Variants in CCDC57 observed in about 807,000 individuals in gnomAD.
The protein encoded by CCDC57 is coiled-coil domain-containing protein 57.
Under a neutral mutation model 118.9 loss-of-function variants are expected in CCDC57, and 118 were observed. The ratio of observed to expected loss-of-function variants is 0.99; its 90% CI spans 0.86 to 1.16. The LOEUF (loss-of-function observed/expected upper bound fraction) is 1.16. CCDC57 is among the 50% of genes most tolerant of loss of function. The pLI, the probability that CCDC57 is intolerant of heterozygous loss-of-function variation, is 0.00. For synonymous variants in CCDC57, 527 were observed against 532.9 expected (o/e 0.99, Z 0.15); for missense variants, 1,300 against 1,320.7 (o/e 0.98, Z 0.24).
chr17:82,201,816 C>T (rs2049030895), exon 3 of CCDC57: 5 of 1,613,476 alleles, frequency 3.1e-6, no homozygotes, highest in African/African-American at 1.3e-5. Context: ...GCGCCTCCTC[C>T]AGCTGGCTCC....
chr17:82,196,821 G>T (rs1330818977), intron 4 of CCDC57, among the ~76,000 whole-genome samples: 1 of 144,500 alleles, frequency 6.9e-6, no homozygotes, highest in African/African-American at 2.6e-5. Context: ...AGCCCCTCAT[G>T]ACTCCTGCAC....
Position 82,192,096 on chromosome 17 carries a change from C to T in CCDC57, c.851+1660G>A, listed in dbSNP as rs889095716. Reference sequence around the variant, plus strand: ...CACCTCCCAAGTTCAAGTGATTCCCCTGCCTCAGCCTGCCAAGTAGCTGGG... The same window carrying T: ...CACCTCCCAAGTTCAAGTGATTCCCTTGCCTCAGCCTGCCAAGTAGCTGGG... On this transcript the variant is annotated intron_variant, in intron 7 of 19. Transcript: ENST00000665763. This position sits in a 1 kb window ranked among gnomAD's most constrained non-coding sequence, Gnocchi z 4.0. Among the ~76,000 whole-genome samples the T allele has an allele frequency of 2.0e-5, 3 of 151,894 alleles. No individual in the cohort carries two copies. The highest frequency in any genetic ancestry group is 2.9e-5 in the Non-Finnish European group (2 of 68,004).
At chr17:82,137,785 T>C (rs898386553) in intron 16 of CCDC57, among the ~76,000 whole-genome samples, 1 of 151,630 alleles carries the variant, frequency 6.6e-6, no homozygotes, top group African/African-American at 2.4e-5. Context: ...GCGGTTCTCC[T>C]TCCTCAGCCT....
In CCDC57 at chr17:82,151,790, A is replaced by G; in HGVS notation, c.2242-17T>C. 1 of 1,547,144 alleles carries G rather than the reference A, an allele frequency of 6.5e-7. No homozygotes were observed. The highest frequency in any genetic ancestry group is 8.7e-7 in the Non-Finnish European group (1 of 1,145,746). ...GGTGAGGCCCTGTAACAAAACTCAC[A>G]GGCAGACACCCCTGTGAGGCTGCCC... On this transcript the variant is annotated splice_polypyrimidine_tract_variant and intron_variant, in intron 15 of 19. Coordinates refer to ENST00000665763, the Ensembl canonical transcript of CCDC57.
intron 13 of CCDC57, among the ~76,000 whole-genome samples, chr17:82,165,712 A>C (rs188576647): frequency 1.3e-5 from 2 of 152,302 alleles, no homozygotes; most frequent in Admixed American, 1.3e-4. Flanking sequence ...GTGTAAAACC[A>C]GCCAGAATCC....
chr17:82,132,502 A>G (rs1420010861), intron 17 of CCDC57, among the ~76,000 whole-genome samples: 1 of 152,128 alleles, frequency 6.6e-6, no homozygotes, highest in Non-Finnish European at 1.5e-5. Context: ...AACACACATA[A>G]ATCACCCACA....
Position 82,157,747 on chromosome 17 carries a change from C to T in CCDC57, c.2241+1G>A, listed in dbSNP as rs1224448355. On this transcript the variant is annotated splice_donor_variant, in intron 15 of 19. Transcript: ENST00000665763. LOFTEE classifies it high-confidence loss of function. ...GGCAGGAGGAGCTAGCGGGCACCCA[C>T]CTCTCTCCCAAGGGCCACGGCGTCC... The T allele has an allele frequency of 1.3e-6, 2 of 1,589,012 alleles. No individual in the cohort carries two copies. The highest frequency in any genetic ancestry group is 1.1e-5 in the South Asian group (1 of 87,342).
At chr17:82,195,324 T>G (rs368005306) in exon 5 of CCDC57, 2 of 1,601,550 alleles carry the variant, frequency 1.2e-6, no homozygotes, top group Non-Finnish European at 1.7e-6. Flanking sequence ...GAATTCGTGC[T>G]CCCTCTTCCG....
chr17:82,151,188 C>T (rs1205381383), intron 16 of CCDC57, among the ~76,000 whole-genome samples: 213 of 132,434 alleles, frequency 1.6e-3, no homozygotes, highest in Non-Finnish European at 2.4e-3. Context: ...GGCGCACACC[C>T]AGAACCAGGC....
At chr17:82,196,232 C>A (rs1568455988) in intron 4 of CCDC57, among the ~76,000 whole-genome samples, 1 of 152,250 alleles carries the variant, frequency 6.6e-6, no homozygotes, top group Admixed American at 6.5e-5. Context: ...GACTTTGGAG[C>A]CACTTGAGGA....
chr17:82,179,885 C>T (rs2146418505), intron 9 of CCDC57, among the ~76,000 whole-genome samples: 1 of 152,314 alleles, frequency 6.6e-6, no homozygotes, highest in East Asian at 1.9e-4. Context: ...GAAAAAAGAA[C>T]AAGAATTGGA....
intron 13 of CCDC57, among the ~76,000 whole-genome samples, chr17:82,168,197 C>T (rs2044233159): frequency 6.6e-6 from 1 of 152,228 alleles, no homozygotes; most frequent in African/African-American, 2.4e-5. Flanking sequence ...ATGCCACTTC[C>T]TTCTGAGGAG....
chr17:82,140,516 C>G (rs577700969), intron 16 of CCDC57, among the ~76,000 whole-genome samples: 1 of 152,182 alleles, frequency 6.6e-6, no homozygotes, highest in Non-Finnish European at 1.5e-5. Flanking sequence ...CCACCGTGCC[C>G]GGCCAGGGAT....
At chr17:82,194,256 G>A in intron 5 of CCDC57, 117 bp from the exon 5 acceptor site, 1 of 1,100,374 alleles carries the variant, frequency 9.1e-7, no homozygotes, top group Non-Finnish European at 1.3e-6. Context: ...GAAAATTCAA[G>A]AAGCAGTAAA....
intron 10 of CCDC57, 37 bp downstream of exon 9, chr17:82,178,990 C>T (rs377123641): frequency 1.0e-4 from 164 of 1,601,460 alleles, no homozygotes; most frequent in South Asian, 5.7e-4. Flanking sequence ...TCTGCAGAGA[C>T]GCCGAGAAGG....
intron 1 of CCDC57, among the ~76,000 whole-genome samples, chr17:82,211,901 A>G (rs529364630): frequency 6.6e-6 from 1 of 152,274 alleles, no homozygotes; most frequent in East Asian, 1.9e-4. Context: ...TCACTTTGTG[A>G]TAATTTAAGC....
chr17:82,120,999 C>G (rs1225882965), intron 19 of CCDC57, among the ~76,000 whole-genome samples: 1 of 152,210 alleles, frequency 6.6e-6, no homozygotes, highest in East Asian at 1.9e-4. Context: ...TAGTGATCCA[C>G]CCACCTCGGC....
chr17:82,197,328 G>A (rs1386952550), intron 4 of CCDC57, among the ~76,000 whole-genome samples: 1 of 152,218 alleles, frequency 6.6e-6, no homozygotes. Flanking sequence ...GCAGCCCCTT[G>A]TCACATATGC....
intron 7 of CCDC57, among the ~76,000 whole-genome samples, chr17:82,189,408 C>T (rs980577383): frequency 6.6e-5 from 10 of 152,160 alleles, no homozygotes; most frequent in Non-Finnish European, 1.3e-4. Flanking sequence ...TAAGCCATCT[C>T]GGTGAAGTCT....
Sources: allele counts gnomAD v4.1 joint callset (sites outside exome capture counted in the v4.1 genomes callset), GRCh38; gene constraint gnomAD v4.1.1; non-coding constraint Gnocchi (gnomAD v3.1); transcripts MANE v1.5; gene names NCBI Gene and HGNC (gene_info 2026-07-23, HGNC 2026-07-21).